Variants in IRAK4 observed in about 807,000 individuals in gnomAD.
IRAK4 encodes interleukin-1 receptor-associated kinase 4.
A neutral mutation model predicts 51.8 loss-of-function variants in IRAK4; 44 were observed. The ratio of observed to expected loss-of-function variants is 0.85; its 90% CI spans 0.67 to 1.09. The LOEUF (loss-of-function observed/expected upper bound fraction) is 1.09. IRAK4 is among the 50% of genes least tolerant of loss of function. The pLI is 0.00. For missense variants in IRAK4, 487 were observed against 538.0 expected, an observed-to-expected ratio of 0.91 and a Z score of 0.94; for synonymous variants, 149 against 174.1, an observed-to-expected ratio of 0.86 and a Z score of 1.13.
chr12:43,779,724 G>T (rs963326116), intron 8 of IRAK4, among the ~76,000 whole-genome samples: 4 of 152,150 alleles, frequency 2.6e-5, no homozygotes, highest in Admixed American at 2.6e-4. Flanking sequence ...AAAAAGACTT[G>T]GTTAGGTTGG....
chr12:43,773,186 TAAAC>T (rs1940952598), intron 5 of IRAK4, 114 bp downstream of exon 5: 2 of 987,736 alleles, frequency 2.0e-6, no homozygotes, highest in Non-Finnish European at 3.0e-6. Flanking sequence ...TTTCTTTAAA[TAAAC>T]ATCATTCTAA....
chr12:43,779,735 G>T (rs140578147), intron 8 of IRAK4, among the ~76,000 whole-genome samples: 1 of 152,136 alleles, frequency 6.6e-6, no homozygotes, highest in Non-Finnish European at 1.5e-5. Context: ...GTTAGGTTGG[G>T]GTTAGAGAGA....
At chr12:43,785,255 G>A (rs1942105694) in intron 10 of IRAK4, among the ~76,000 whole-genome samples, 1 of 152,054 alleles carries the variant, frequency 6.6e-6, no homozygotes. Context: ...ACATAGACAT[G>A]TTTTGGGGGA....
At chr12:43,778,059 A>C in intron 7 of IRAK4, 134 bp from the exon 8 acceptor site, 1 of 648,846 alleles carries the variant, frequency 1.5e-6, no homozygotes, top group South Asian at 1.9e-5. Context: ...TAATAACTTA[A>C]AAATGTAGTC....
chr12:43,786,438 A>T lies in IRAK4; in HGVS notation c.1228A>T (p.Ile410Phe). Residue 410 changes from isoleucine to phenylalanine, a missense_variant, in exon 11 of 12, where the codon ATT becomes TTT. Transcript: ENST00000613694. ...AGAAATTGAAGATGAAGAAAAGACA[A>T]TTGAAGATTATATTGATAAAAAGAT... ...KEEIEDEEKT[I>F]EDYIDKKMND... The T allele has an allele frequency of 6.2e-7, 1 of 1,604,388 alleles. No individual in the cohort carries two copies. The highest frequency in any genetic ancestry group is 8.5e-7 in the Non-Finnish European group (1 of 1,175,584).
At chr12:43,780,518 G>A (rs557320785) in intron 8 of IRAK4, among the ~76,000 whole-genome samples, 2 of 151,958 alleles carry the variant, frequency 1.3e-5, no homozygotes, top group African/African-American at 4.8e-5. Context: ...TATCCTTCAT[G>A]GATTGGTACT....
intron 10 of IRAK4, among the ~76,000 whole-genome samples, chr12:43,784,088 C>G (rs1942014888): frequency 6.6e-6 from 1 of 152,154 alleles, no homozygotes; most frequent in Middle Eastern, 3.4e-3. Flanking sequence ...AAAAAGGCTT[C>G]CATTCAAATT....
Position 43,789,466 on chromosome 12 carries a change from A to T in IRAK4, c.*2751A>T, listed in dbSNP as rs1028574565. On this transcript the variant is annotated 3_prime_UTR_variant, in exon 12 of 12. Transcript: ENST00000613694. ...CAGCCTCAGTTATTCCTTTATAGTG[A>T]TGCAAAACGGGCTAACTATATAAAT... is the stretch of plus-strand genomic sequence containing the variant. 4 of 152,184 alleles carry T rather than the reference A, an allele frequency of 2.6e-5. No individual in the cohort carries two copies. The highest frequency in any genetic ancestry group is 9.7e-5 in the African/African-American group (4 of 41,432). The allele number at this position is 152,184 out of a possible 1,614,324, so 9.4% of individuals were successfully genotyped here.
intron 2 of IRAK4, among the ~76,000 whole-genome samples, chr12:43,769,791 A>C (rs1218619222): frequency 6.6e-6 from 1 of 152,224 alleles, no homozygotes; most frequent in Non-Finnish European, 1.5e-5. Context: ...ACAAAATGCT[A>C]ATATGTACCC....
At chr12:43,761,862 TG>T in intron 1 of IRAK4, among the ~76,000 whole-genome samples, 1 of 152,222 alleles carries the variant, frequency 6.6e-6, no homozygotes, top group East Asian at 1.9e-4. Context: ...TACACTTGTC[TG>T]AATTGTCTTA....
chr12:43,780,655 G>A (rs533189366), intron 8 of IRAK4, among the ~76,000 whole-genome samples: 5 of 149,800 alleles, frequency 3.3e-5, no homozygotes, highest in South Asian at 4.2e-4. Flanking sequence ...CACTGCAACC[G>A]TCGCCTCCCG....
At position 43,789,075 on chromosome 12, in the gene IRAK4, A is replaced by G. The variant is rs1942393119; in HGVS notation, c.*2360A>G. On this transcript the variant is annotated 3_prime_UTR_variant, in exon 12 of 12. Transcript: ENST00000613694. ...TTGGGAAGGGATGATTATATTTTGC[A>G]ATGTGAGAAAGACATTAGATTTGGG... 6.6e-6 allele frequency: 1 copy of G among 152,196 alleles called. No individual in the cohort carries two copies. The highest frequency in any genetic ancestry group is 1.5e-5 in the Non-Finnish European group (1 of 68,058). The allele number at this position is 152,196 out of a possible 1,614,324, so 9.4% of individuals were successfully genotyped here. A position where few individuals can be genotyped will look rare whatever the true frequency, so the allele number is the denominator to read the frequency against.
At chr12:43,773,791 A>G in intron 5 of IRAK4, 174 bp from the exon 6 acceptor site, 1 of 540,700 alleles carries the variant, frequency 1.8e-6, no homozygotes. Context: ...CTAACCAGCC[A>G]TGGGCCTTGA....
intron 1 of IRAK4, among the ~76,000 whole-genome samples, chr12:43,759,899 T>C (rs1430332971): frequency 2.0e-5 from 3 of 147,624 alleles, no homozygotes; most frequent in Non-Finnish European, 4.5e-5. Context: ...AAGCAAACCC[T>C]GAGAAAGCGA....
Position 43,789,023 on chromosome 12 carries a change from T to C in IRAK4, c.*2308T>C, listed in dbSNP as rs895994062. On this transcript the variant is annotated 3_prime_UTR_variant, in exon 12 of 12. Transcript: ENST00000613694. ...AGTCTCAAATGAGACTTAGGACTTT[T>C]GAGTGATGCTAGAATGAGTTAAGAC... 1 of 152,172 alleles carries C rather than the reference T, an allele frequency of 6.6e-6. No individual in the cohort carries two copies. The highest frequency in any genetic ancestry group is 1.5e-5 in the Non-Finnish European group (1 of 68,040). 9.4% of individuals were successfully genotyped at this position (152,172 alleles called of 1,614,324 possible).
chr12:43,764,479 CT>C (rs1212530194), intron 1 of IRAK4, among the ~76,000 whole-genome samples: 1 of 152,224 alleles, frequency 6.6e-6, no homozygotes, highest in African/African-American at 2.4e-5. Context: ...GTTCAAGACA[CT>C]TTTGTAAGCG....
intron 1 of IRAK4, among the ~76,000 whole-genome samples, chr12:43,765,591 T>C (rs1940044105): frequency 6.6e-6 from 1 of 151,672 alleles, no homozygotes; most frequent in Non-Finnish European, 1.5e-5. Flanking sequence ...TAGACATGAA[T>C]GATAAGTTAG....
chr12:43,776,008 A>C (rs1488728339), intron 6 of IRAK4, among the ~76,000 whole-genome samples: 2 of 150,690 alleles, frequency 1.3e-5, no homozygotes, highest in Admixed American at 1.3e-4. Flanking sequence ...CAGCCTCCAG[A>C]GTAGCTGGGA....
At chr12:43,773,191 A>T (rs1195106478) in intron 5 of IRAK4, 119 bp downstream of exon 5, 1 of 940,546 alleles carries the variant, frequency 1.1e-6, no homozygotes, top group Non-Finnish European at 1.6e-6. Context: ...TTAAATAAAC[A>T]TCATTCTAAA....
Sources: gnomAD v4.1 joint callset for allele counts (sites outside exome capture counted in the v4.1 genomes callset) on GRCh38, gnomAD v4.1.1 for gene constraint, MANE v1.5 for transcripts, NCBI Gene and HGNC (gene_info 2026-07-23, HGNC 2026-07-21) for gene names.